The following CYTH2 variants were observed in gnomAD, a reference collection of about 807,000 sequenced individuals.
CYTH2 encodes the protein cytohesin-2.
A neutral mutation model predicts 55.4 loss-of-function variants in CYTH2; 24 were observed. That is an observed-to-expected ratio of 0.43 (90% confidence interval 0.31 to 0.61). CYTH2 has a LOEUF of 0.61. CYTH2 is among the 20% of genes least tolerant of loss of function. The pLI, the probability that CYTH2 is intolerant of heterozygous loss-of-function variation, is 0.08. For missense variants in CYTH2, 378 were observed against 533.5 expected, an observed-to-expected ratio of 0.71 and a Z score of 2.87; for synonymous variants, 221 against 209.6, an observed-to-expected ratio of 1.05 and a Z score of -0.47.
Position 48,479,171 on chromosome 19 carries a change from G to C in CYTH2, c.1161G>C (p.Lys387Asn). 1.2e-6 allele frequency: 2 copies of C among 1,614,102 alleles called. No individual in the cohort carries two copies. The highest frequency in any genetic ancestry group is 1.7e-6 in the Non-Finnish European group (2 of 1,179,992). ...TCTATGAGATGCTGGCAGCGAGAAA[G>C]AAGCGGATTTCAGTCAAGAAGAAGC... ...DPFYEMLAAR[K>N]KRISVKKKQE... is the part of the protein sequence containing the mutation. The change falls in exon 12 of 12, where the codon AAG (lysine) becomes AAC (asparagine). Residue 387 changes from lysine to asparagine, a missense_variant. Coordinates refer to ENST00000452733, the MANE Select transcript of CYTH2 (RefSeq NM_004228.7).
chr19:48,471,891 A>C (rs1971804540), intron 3 of CYTH2, among the ~76,000 whole-genome samples: 1 of 152,144 alleles, frequency 6.6e-6, no homozygotes, highest in Non-Finnish European at 1.5e-5. Context: ...CTCTAGAAAA[A>C]ATATAAATAA....
intron 4 of CYTH2, chr19:48,472,807 C>T (rs1020811899): frequency 9.7e-5 from 36 of 369,380 alleles, no homozygotes; most frequent in Non-Finnish European, 1.6e-4. Flanking sequence ...CTGTGGGGAC[C>T]GCTGGGCCCT....
In CYTH2 at chr19:48,474,421, C is replaced by A; in HGVS notation, c.696+91C>A. 7.3e-7 allele frequency: 1 copy of A among 1,367,968 alleles called. No homozygotes were observed. The highest frequency in any genetic ancestry group is 1.4e-5 in the South Asian group (1 of 69,902). 84.7% of individuals were successfully genotyped at this position (1,367,968 alleles called of 1,614,324 possible). ...TGTGGTCTCCTAGTGCCCAAGCTGT[C>A]TGCCCTCACCCCCAAGATGGTGCGA... On this transcript the variant is annotated intron_variant, in intron 7 of 11. Coordinates refer to ENST00000452733, the MANE Select transcript of CYTH2 (RefSeq NM_004228.7). The surrounding 1 kb of genome is among the most constrained non-coding windows in gnomAD (Gnocchi z 4.9).
chr19:48,473,162 C>A, intron 4 of CYTH2, 136 bp from the exon 5 acceptor site: 2 of 878,282 alleles, frequency 2.3e-6, no homozygotes, highest in South Asian at 1.5e-5. Context: ...GTGTGGGAGT[C>A]CAGCAGGAAA....
At position 48,481,067 on chromosome 19, in the gene CYTH2, T is replaced by C. The variant is rs995652889; in HGVS notation, c.*1857T>C. ...GCAGGAGGCAGGGGCCTGACGTGTT[T>C]GGATTGAGGTTGCAGGAGGGGCCCC... is the stretch of plus-strand genomic sequence containing the variant. On this transcript the variant is annotated 3_prime_UTR_variant, in exon 12 of 12. Coordinates refer to ENST00000452733, the MANE Select transcript of CYTH2 (RefSeq NM_004228.7). 1.3e-5 allele frequency: 2 copies of C among 152,722 alleles called. No homozygotes were observed. Among genetic ancestry groups the C allele is most frequent in the African/African-American group, 2.4e-5 (1 of 41,434 alleles). 9.5% of individuals were successfully genotyped at this position (152,722 alleles called of 1,614,324 possible).
rs1971878385 is a variant in CYTH2 at position 48,474,849 on chromosome 19, C to T, written c.708C>T (p.Asp236=). Residue 236 remains aspartate (D), a synonymous_variant, in exon 8 of 12, where the codon GAC becomes GAT. Transcript: ENST00000452733. The surrounding 1 kb of genome is among the most constrained non-coding windows in gnomAD (Gnocchi z 4.9). ...LPEELLRNLY[D]SIRNEPFKIP... is the part of the protein sequence containing the mutation. Reference sequence around the variant, plus strand: ...CCTTTACTCCTCAGAACCTGTACGACAGCATCCGAAATGAGCCCTTCAAGA... The same window carrying T: ...CCTTTACTCCTCAGAACCTGTACGATAGCATCCGAAATGAGCCCTTCAAGA... The T allele has an allele frequency of 6.2e-7, 1 of 1,614,060 alleles. No homozygotes were observed. The highest frequency in any genetic ancestry group is 1.1e-5 in the South Asian group (1 of 91,094).
chr19:48,475,559 G>GC, intron 8 of CYTH2: 2 of 155,734 alleles, frequency 1.3e-5, no homozygotes, highest in South Asian at 3.9e-4. Context: ...ATGGAGGGGG[G>GC]AGTCTTCGTC....
In CYTH2 at chr19:48,479,383, A is replaced by G; in HGVS notation, c.*173A>G. The stretch of plus-strand genomic sequence containing the variant: ...TGGTAATCTTATTAATTATTTAACC[A>G]CTTGGCCTGCTGACCCCCTCATTTC... On this transcript the variant is annotated 3_prime_UTR_variant, in exon 12 of 12. Coordinates refer to ENST00000452733, the MANE Select transcript of CYTH2 (RefSeq NM_004228.7). 1.6e-6 allele frequency: 1 copy of G among 639,880 alleles called. No homozygotes were observed. Among genetic ancestry groups the G allele is most frequent in the Non-Finnish European group, 2.7e-6 (1 of 375,496 alleles). 39.6% of individuals were successfully genotyped at this position (639,880 alleles called of 1,614,324 possible). A position where few individuals can be genotyped will look rare whatever the true frequency, so the allele number is the denominator to read the frequency against.
Position 48,469,467 on chromosome 19 carries a change from GC to G in CYTH2, c.-40del. 1.5e-6 allele frequency: 2 copies of G among 1,312,978 alleles called. No homozygotes were observed. The highest frequency in any genetic ancestry group is 2.0e-6 in the Non-Finnish European group (2 of 1,024,476). The allele number at this position is 1,312,978 out of a possible 1,614,324, so 81.3% of individuals were successfully genotyped here. On this transcript the variant is annotated 5_prime_UTR_variant, in exon 1 of 12. Coordinates refer to ENST00000452733, the MANE Select transcript of CYTH2 (RefSeq NM_004228.7). ...GCCAACGCGGATCCAGGCCCGACTG[GC>G]GGGACCGCCCCGGATTCCCCGCGGG...
chr19:48,472,699 GTC>G (rs1971828565), intron 4 of CYTH2: 1 of 530,302 alleles, frequency 1.9e-6, no homozygotes, highest in Non-Finnish European at 3.5e-6. Context: ...ATCCATTTAT[GTC>G]TGAGAAGGGT....
chr19:48,479,809 T>TG lies in CYTH2; in HGVS notation c.*600dup, dbSNP rs769200125. 4.6e-5 allele frequency: 7 copies of TG among 151,174 alleles called. No homozygotes were observed. The highest frequency in any genetic ancestry group is 8.8e-5 in the Non-Finnish European group (6 of 67,866). 9.4% of individuals were successfully genotyped at this position (151,174 alleles called of 1,614,324 possible). ...AGGACAACCTGGAGCTGGAAGAACA[T>TG]GCGACCACCTCAGGGAGGGTCAGGG... On this transcript the variant is annotated 3_prime_UTR_variant, in exon 12 of 12. Transcript: ENST00000452733.
rs1448473064 is a variant in CYTH2, at chr19:48,474,821, C to T, written c.697-17C>T. 3 of 1,613,038 alleles carry T rather than the reference C, an allele frequency of 1.9e-6. No individual in the cohort carries two copies. Among genetic ancestry groups the T allele is most frequent in the Non-Finnish European group, 2.5e-6 (3 of 1,179,124 alleles). On this transcript the variant is annotated splice_polypyrimidine_tract_variant and intron_variant, in intron 7 of 11. Transcript: ENST00000452733. This position sits in a 1 kb window ranked among gnomAD's most constrained non-coding sequence, Gnocchi z 4.9. The stretch of plus-strand genomic sequence containing the variant: ...CCCCAGGGGGCTCGAATGGCTAATG[C>T]AGCCTTTACTCCTCAGAACCTGTAC...
chr19:48,470,088 GA>G, intron 1 of CYTH2: 1 of 673,056 alleles, frequency 1.5e-6, no homozygotes, highest in South Asian at 1.5e-5. Context: ...TCTTCCCTCA[GA>G]TCTAAGAGCT....
At position 48,474,038 on chromosome 19, in the gene CYTH2, G is replaced by A; in HGVS notation, c.547+21G>A. Reference sequence around the variant, plus strand: ...CACAGGTGCGGGCCCCAAATCCTGGGTCCTGGGAAAGAGGAGACTGGGGCC... The same window carrying A: ...CACAGGTGCGGGCCCCAAATCCTGGATCCTGGGAAAGAGGAGACTGGGGCC... On this transcript the variant is annotated intron_variant, in intron 6 of 11. Coordinates refer to ENST00000452733, the MANE Select transcript of CYTH2 (RefSeq NM_004228.7). This position sits in a 1 kb window ranked among gnomAD's most constrained non-coding sequence, Gnocchi z 4.9. The A allele has an allele frequency of 6.3e-7, 1 of 1,587,948 alleles. No homozygotes were observed. The highest frequency in any genetic ancestry group is 8.6e-7 in the Non-Finnish European group (1 of 1,167,932).
chr19:48,478,705 G>A (rs1971982444), intron 11 of CYTH2, 113 bp downstream of exon 11: 3 of 747,960 alleles, frequency 4.0e-6, no homozygotes, highest in South Asian at 3.8e-5. Flanking sequence ...AGGGGCTGGG[G>A]CCTGGACGCC....
chr19:48,470,528 G>A, intron 2 of CYTH2, 28 bp downstream of exon 2: 9 of 1,613,884 alleles, frequency 5.6e-6, no homozygotes, highest in Non-Finnish European at 7.6e-6. Context: ...TGACCTAGGG[G>A]GCGTGGGGTT....
At position 48,474,192 on chromosome 19, in the gene CYTH2, T is replaced by C. The variant is rs1410291188; in HGVS notation, c.558T>C (p.Tyr186=). 3.1e-6 allele frequency: 5 copies of C among 1,599,958 alleles called. No homozygotes were observed. The highest frequency in any genetic ancestry group is 1.7e-5 in the Admixed American group (1 of 58,512). The part of the protein sequence containing the change: ...PGVFQSTDTC[Y]VLSFAVIMLN... ...CCCTGTCCGGTGCAGACACGTGCTATGTGCTGTCCTTCGCCGTCATCATGC... is the reference window on the plus strand; with the variant it reads ...CCCTGTCCGGTGCAGACACGTGCTACGTGCTGTCCTTCGCCGTCATCATGC... The change falls in exon 7 of 12, where the codon TAT becomes TAC. Residue 186 remains tyrosine (Y), a synonymous_variant. Transcript: ENST00000452733. The surrounding 1 kb of genome is among the most constrained non-coding windows in gnomAD (Gnocchi z 4.9).
At chr19:48,478,820 AC>A (rs1971989192) in intron 11 of CYTH2, among the ~76,000 whole-genome samples, 1 of 109,698 alleles carries the variant, frequency 9.1e-6, no homozygotes, top group Non-Finnish European at 1.8e-5. Flanking sequence ...GGGGGCCTGG[AC>A]CCCTGGGTCT....
At position 48,469,817 on chromosome 19, in the gene CYTH2, C is replaced by G. The variant is rs558714531; in HGVS notation, c.19+291C>G. 1.2e-3 allele frequency: 719 copies of G among 591,522 alleles called. 4 individuals carry two copies. The African/African-American group carries it at 0.013, about 10-fold the overall frequency. The allele number at this position is 591,522 out of a possible 1,614,324, so 36.6% of individuals were successfully genotyped here. A position where few individuals can be genotyped will look rare whatever the true frequency, so the allele number is the denominator to read the frequency against. Reference sequence around the variant, plus strand: ...CATTCCCGCTGGAGGGGCGGGCGAGCCCAGCGCCTGCCGGGGCCGGGGAGG... The same window carrying G: ...CATTCCCGCTGGAGGGGCGGGCGAGGCCAGCGCCTGCCGGGGCCGGGGAGG... On this transcript the variant is annotated intron_variant, in intron 1 of 11. Coordinates refer to ENST00000452733, the MANE Select transcript of CYTH2 (RefSeq NM_004228.7).
Sources: allele counts gnomAD v4.1 joint callset (sites outside exome capture counted in the v4.1 genomes callset), GRCh38; gene constraint gnomAD v4.1.1; non-coding constraint Gnocchi (gnomAD v3.1); transcripts MANE v1.5; gene names NCBI Gene and HGNC (gene_info 2026-07-23, HGNC 2026-07-21).